ACOT7: variants seen among roughly 807,000 people sequenced by gnomAD.
The protein encoded by ACOT7 is acyl-CoA thioesterase 7.
ACOT7 carries 12 observed loss-of-function variants against 40.2 expected under a neutral mutation model. That is an observed-to-expected ratio of 0.30 (90% confidence interval 0.19 to 0.48). The LOEUF is 0.48. Ranked by LOEUF, ACOT7 falls within the 20% of genes least tolerant of loss-of-function variation. The pLI is 0.99. For synonymous variants in ACOT7, 228 were observed against 219.5 expected (o/e 1.04, Z -0.34); for missense variants, 395 against 530.8 (o/e 0.74, Z 2.51).
intron 6 of ACOT7, among the ~76,000 whole-genome samples, chr1:6,295,737 A>G (rs1292372982): frequency 6.6e-6 from 1 of 152,204 alleles, no homozygotes; most frequent in African/African-American, 2.4e-5. Context: ...ATGGGGACAG[A>G]GGGTAGATTA....
chr1:6,324,723 G>A (rs547230396), intron 5 of ACOT7, among the ~76,000 whole-genome samples: 3 of 152,312 alleles, frequency 2.0e-5, no homozygotes, highest in Admixed American at 6.5e-5. Context: ...ACCCCTTTGT[G>A]TTAGGCTAGA....
intron 7 of ACOT7, among the ~76,000 whole-genome samples, chr1:6,292,399 C>A (rs990599545): frequency 2.6e-5 from 4 of 152,236 alleles, no homozygotes; most frequent in African/African-American, 9.6e-5. Context: ...AAGTGAATGT[C>A]CTGCCAGAAA....
At position 6,349,877 on chromosome 1, in the gene ACOT7, G is replaced by T. The variant is rs1641540966; in HGVS notation, c.144-11C>A. On this transcript the variant is annotated splice_polypyrimidine_tract_variant and intron_variant, in intron 1 of 8. Coordinates refer to ENST00000361521, the MANE Select transcript of ACOT7 (RefSeq NM_007274.4). The stretch of plus-strand genomic sequence containing the variant: ...TCTGGCCGCATGATCCTAGGGCAGA[G>T]GAGAAGCAGGATGAGGCCTCTGGAG... 1.2e-6 allele frequency: 2 copies of T among 1,613,046 alleles called. No homozygotes were observed. The highest frequency in any genetic ancestry group is 1.7e-6 in the Non-Finnish European group (2 of 1,179,274).
At chr1:6,388,415 T>C (rs558390618) in intron 1 of ACOT7, among the ~76,000 whole-genome samples, 4 of 151,642 alleles carry the variant, frequency 2.6e-5, no homozygotes, top group African/African-American at 9.7e-5. Context: ...GGCCAGGTTC[T>C]TTCTTTTCAT....
chr1:6,334,564 G>A (rs975261318), intron 3 of ACOT7, among the ~76,000 whole-genome samples: 6 of 152,196 alleles, frequency 3.9e-5, no homozygotes, highest in African/African-American at 9.7e-5. Context: ...CCAGACACTC[G>A]GGTGTGCTGC....
At chr1:6,354,778 C>T (rs1641697363) in intron 1 of ACOT7, among the ~76,000 whole-genome samples, 1 of 107,188 alleles carries the variant, frequency 9.3e-6, no homozygotes, top group Non-Finnish European at 1.9e-5. Flanking sequence ...CTCTAGCCCC[C>T]CCATGGCCTC....
At chr1:6,389,004 G>A (rs1462536412) in intron 1 of ACOT7, among the ~76,000 whole-genome samples, 1 of 150,306 alleles carries the variant, frequency 6.7e-6, no homozygotes, top group East Asian at 2.0e-4. Flanking sequence ...TCGCGCCACT[G>A]CACTCCAGCC....
chr1:6,280,999 G>C, intron 8 of ACOT7, 103 bp downstream of exon 8: 1 of 1,460,178 alleles, frequency 6.8e-7, no homozygotes, highest in Non-Finnish European at 9.3e-7. Flanking sequence ...CCTACTGACA[G>C]GACAGGACTC....
At position 6,294,992 on chromosome 1, in the gene ACOT7, G is replaced by A. The variant is rs1183410362; in HGVS notation, c.713-12C>T. 1.9e-6 allele frequency: 3 copies of A among 1,597,438 alleles called. No individual in the cohort carries two copies. Among genetic ancestry groups the A allele is most frequent in the Admixed American group, 1.7e-5 (1 of 59,874 alleles). On this transcript the variant is annotated splice_polypyrimidine_tract_variant and intron_variant, in intron 6 of 8. Coordinates refer to ENST00000361521, the MANE Select transcript of ACOT7 (RefSeq NM_007274.4). This position sits in a 1 kb window ranked among gnomAD's most constrained non-coding sequence, Gnocchi z 4.6. ...CTTCATGGTCACACCTGCGGAGAAA[G>A]GGACATGCGGCAGATGAGACACGGA...
intron 1 of ACOT7, among the ~76,000 whole-genome samples, chr1:6,387,169 A>G (rs1032437846): frequency 6.6e-6 from 1 of 152,080 alleles, no homozygotes; most frequent in African/African-American, 2.4e-5. Context: ...TCTTTTTGCC[A>G]GGGGCCAACA....
intron 7 of ACOT7, among the ~76,000 whole-genome samples, chr1:6,287,836 T>A (rs1055823613): frequency 6.6e-6 from 1 of 152,224 alleles, no homozygotes; most frequent in African/African-American, 2.4e-5. Flanking sequence ...CTGTGGCTGT[T>A]AACTTTCGTA....
intron 8 of ACOT7, among the ~76,000 whole-genome samples, 157 bp downstream of exon 8, chr1:6,280,945 G>C (rs778640994): frequency 6.6e-6 from 1 of 152,306 alleles, no homozygotes; most frequent in East Asian, 1.9e-4. Flanking sequence ...CGCAGCCCGA[G>C]GTCACCGGTC....
intron 2 of ACOT7, among the ~76,000 whole-genome samples, chr1:6,342,186 C>T (rs192988646): frequency 6.6e-6 from 1 of 152,308 alleles, no homozygotes; most frequent in African/African-American, 2.4e-5. Flanking sequence ...GGGCCGGCTT[C>T]CTGGTTCACA....
intron 1 of ACOT7, among the ~76,000 whole-genome samples, chr1:6,390,909 C>A (rs575951398): frequency 5.3e-5 from 8 of 152,110 alleles, no homozygotes; most frequent in Non-Finnish European, 1.2e-4. Context: ...GCATTCCAGT[C>A]TGGGTGACAG....
In ACOT7 at chr1:6,294,949, G is replaced by C; in HGVS notation, c.744C>G (p.Ala248=). The change falls in exon 7 of 9, where the codon GCC becomes GCG. Residue 248 remains alanine (A), a synonymous_variant. Coordinates refer to ENST00000361521, the MANE Select transcript of ACOT7 (RefSeq NM_007274.4). This position sits in a 1 kb window ranked among gnomAD's most constrained non-coding sequence, Gnocchi z 4.6. ...GVTMKLMDEV[A]GIVAARHCKT... ...TGCAGTGGCGTGCAGCCACGATCCCGGCGACCTCATCCATGAGCTTCATGG... is the reference window on the plus strand; with the variant it reads ...TGCAGTGGCGTGCAGCCACGATCCCCGCGACCTCATCCATGAGCTTCATGG... 1 of 1,614,044 alleles carries C rather than the reference G, an allele frequency of 6.2e-7. No individual in the cohort carries two copies. The highest frequency in any genetic ancestry group is 8.5e-7 in the Non-Finnish European group (1 of 1,179,986).
At chr1:6,384,595 C>T (rs1642404963) in intron 1 of ACOT7, among the ~76,000 whole-genome samples, 1 of 151,872 alleles carries the variant, frequency 6.6e-6, no homozygotes, top group African/African-American at 2.4e-5. Flanking sequence ...AGGTGGGTGT[C>T]CTACAATTCA....
chr1:6,304,268 C>T (rs1640053222), intron 6 of ACOT7, among the ~76,000 whole-genome samples: 1 of 150,726 alleles, frequency 6.6e-6, no homozygotes, highest in South Asian at 2.1e-4. Flanking sequence ...CACGCATGCC[C>T]CTGGCGACCA....
rs779777940 is a variant in ACOT7 at position 6,274,513 on chromosome 1, G to A, written c.1014+6589C>T. Reference sequence around the variant, plus strand: ...CTCTCGGCTGGCGCGGGGCTTACCCGGCCCCTGCACTCATGCAGGTGAACC... The same window carrying A: ...CTCTCGGCTGGCGCGGGGCTTACCCAGCCCCTGCACTCATGCAGGTGAACC... On this transcript the variant is annotated intron_variant, in intron 8 of 8. Transcript: ENST00000361521. This position sits in a 1 kb window ranked among gnomAD's most constrained non-coding sequence, Gnocchi z 5.9. Among the ~76,000 whole-genome samples the A allele has an allele frequency of 1.8e-4, 27 of 152,222 alleles. No homozygotes were observed. The highest frequency in any genetic ancestry group is 1.2e-3 in the Admixed American group (19 of 15,280).
chr1:6,366,690 C>T (rs1352614816), intron 1 of ACOT7, among the ~76,000 whole-genome samples: 4 of 150,458 alleles, frequency 2.7e-5, no homozygotes, highest in Non-Finnish European at 4.4e-5. Flanking sequence ...GAGTCTCACT[C>T]TGTCAGCCAG....
Sources: gnomAD v4.1 joint callset for allele counts (sites outside exome capture counted in the v4.1 genomes callset) on GRCh38, gnomAD v4.1.1 for gene constraint, Gnocchi (gnomAD v3.1) non-coding constraint, MANE v1.5 for transcripts, NCBI Gene and HGNC (gene_info 2026-07-23, HGNC 2026-07-21) for gene names.